FGGY: variants seen among roughly 807,000 people sequenced by gnomAD.
FGGY encodes the protein FGGY carbohydrate kinase domain-containing protein.
FGGY carries 72 observed loss-of-function variants against 71.3 expected under a neutral mutation model. That is an observed-to-expected ratio of 1.01 (90% CI 0.84 to 1.23). The LOEUF (loss-of-function observed/expected upper bound fraction) is 1.23. Among genes scored for constraint, FGGY ranks in the 50% most tolerant of loss-of-function variants. FGGY has a pLI of 0.00. For missense variants in FGGY, 668 were observed against 682.3 expected (o/e 0.98, Z 0.23); for synonymous variants, 251 against 250.3 (o/e 1.00, Z -0.02).
intron 6 of FGGY, among the ~76,000 whole-genome samples, chr1:59,472,901 C>G (rs1190851266): frequency 6.6e-6 from 1 of 152,094 alleles, no homozygotes; most frequent in Non-Finnish European, 1.5e-5. Flanking sequence ...ATGCACCAAT[C>G]AACACTCTGT....
At chr1:59,668,228 G>C (rs1348667837) in intron 13 of FGGY, among the ~76,000 whole-genome samples, 1 of 152,126 alleles carries the variant, frequency 6.6e-6, no homozygotes, top group Non-Finnish European at 1.5e-5. Flanking sequence ...AGAGTGGCCT[G>C]GACCTCTGTC....
At chr1:59,306,745 G>A (rs2043494607) in intron 1 of FGGY, among the ~76,000 whole-genome samples, 3 of 152,192 alleles carry the variant, frequency 2.0e-5, no homozygotes, top group African/African-American at 7.2e-5. Flanking sequence ...GGTAGAGAAT[G>A]GATATGTAGT....
intron 9 of FGGY, among the ~76,000 whole-genome samples, chr1:59,621,174 C>T (rs1378782138): frequency 1.3e-5 from 2 of 151,830 alleles, no homozygotes; most frequent in East Asian, 1.9e-4. Context: ...AGATTAAGGC[C>T]CCACTGTCAT....
chr1:59,597,110 A>G lies in FGGY; in HGVS notation c.904-10693A>G, dbSNP rs1342186545. Among the ~76,000 whole-genome samples, 4 of 152,148 alleles carry G rather than the reference A, an allele frequency of 2.6e-5. No homozygotes were observed. The South Asian group carries it at 6.2e-4, about 24-fold the overall frequency. On this transcript the variant is annotated intron_variant, in intron 8 of 15. Transcript: ENST00000303721. ...ATTCAGTTTAGTCTTCTCATTTTCT[A>G]TCTGGCCAGAAATGGAGAAAGTGTT...
chr1:59,606,721 CTT>C (rs1337082546), intron 8 of FGGY, among the ~76,000 whole-genome samples: 1 of 152,174 alleles, frequency 6.6e-6, no homozygotes, highest in Non-Finnish European at 1.5e-5. Context: ...ATCAGAATGA[CTT>C]AAGTTTTACC....
chr1:59,603,986 A>G (rs922293193), intron 8 of FGGY, among the ~76,000 whole-genome samples: 31 of 152,354 alleles, frequency 2.0e-4, no homozygotes, highest in Middle Eastern at 6.8e-3. Context: ...CTCAGTCTAC[A>G]TATCTGTACA....
intron 3 of FGGY, 119 bp from the exon 4 acceptor site, chr1:59,346,128 T>C: frequency 7.5e-7 from 1 of 1,326,408 alleles, no homozygotes; most frequent in Non-Finnish European, 1.0e-6. Flanking sequence ...TTGCACACTC[T>C]TGATACATAA....
intron 3 of FGGY, among the ~76,000 whole-genome samples, chr1:59,343,742 A>G (rs976381714): frequency 2.0e-5 from 3 of 150,946 alleles, no homozygotes. Context: ...ATCTAAAACG[A>G]AAATTATTAA....
intron 5 of FGGY, among the ~76,000 whole-genome samples, chr1:59,435,928 G>A (rs780214672): frequency 2.0e-5 from 3 of 152,160 alleles, no homozygotes; most frequent in East Asian, 1.9e-4. Context: ...CTGAGTGAGC[G>A]AGCACATGGG....
chr1:59,706,507 C>A (rs1265846033), intron 14 of FGGY, among the ~76,000 whole-genome samples: 1 of 152,140 alleles, frequency 6.6e-6, no homozygotes, highest in Non-Finnish European at 1.5e-5. Flanking sequence ...CATTTCACAG[C>A]CAATTGACTT....
At chr1:59,449,942 C>G (rs1435677542) in intron 5 of FGGY, among the ~76,000 whole-genome samples, 1 of 152,200 alleles carries the variant, frequency 6.6e-6, no homozygotes, top group Non-Finnish European at 1.5e-5. Flanking sequence ...TGCACTCCAG[C>G]CTGTGTAACA....
intron 5 of FGGY, among the ~76,000 whole-genome samples, chr1:59,409,167 T>C (rs1050763255): frequency 3.9e-5 from 6 of 152,122 alleles, no homozygotes; most frequent in Non-Finnish European, 7.4e-5. Flanking sequence ...GAATTATGAT[T>C]TTTTTCTTGG....
intron 12 of FGGY, among the ~76,000 whole-genome samples, chr1:59,663,426 G>T (rs1001039554): frequency 3.3e-5 from 5 of 152,164 alleles, no homozygotes; most frequent in African/African-American, 1.2e-4. Context: ...GGCCAGGATT[G>T]TCTCACAGAG....
At chr1:59,537,579 C>T (rs1426707707) in intron 7 of FGGY, among the ~76,000 whole-genome samples, 2 of 152,170 alleles carry the variant, frequency 1.3e-5, no homozygotes, top group Non-Finnish European at 2.9e-5. Flanking sequence ...AGGCATCACG[C>T]TACCTGACTT....
chr1:59,728,790 C>T (rs1461921617), intron 14 of FGGY, among the ~76,000 whole-genome samples: 3 of 151,940 alleles, frequency 2.0e-5, no homozygotes, highest in Non-Finnish European at 4.4e-5. Context: ...GGATTTCTTG[C>T]CCCCTTTGGC....
chr1:59,699,242 T>A (rs1377598074), intron 14 of FGGY: 1 of 985,178 alleles, frequency 1.0e-6, no homozygotes, highest in African/African-American at 1.7e-5. Flanking sequence ...AAAAATGATA[T>A]TTTTCTTCTT....
intron 6 of FGGY, among the ~76,000 whole-genome samples, chr1:59,482,982 C>T (rs2093544267): frequency 6.6e-6 from 1 of 152,088 alleles, no homozygotes; most frequent in Non-Finnish European, 1.5e-5. Context: ...GATTCCTGGG[C>T]CTGCTTAGAG....
At chr1:59,476,263 G>T (rs2093261256) in intron 6 of FGGY, among the ~76,000 whole-genome samples, 1 of 152,180 alleles carries the variant, frequency 6.6e-6, no homozygotes, top group Non-Finnish European at 1.5e-5. Flanking sequence ...TAACACTCAT[G>T]ACTATCCAAA....
chr1:59,483,209 C>T (rs1156391955), intron 6 of FGGY, among the ~76,000 whole-genome samples: 1 of 152,082 alleles, frequency 6.6e-6, no homozygotes, highest in Non-Finnish European at 1.5e-5. Context: ...ACTACTTTTG[C>T]CAAGTTTGTT....
Sources: gnomAD v4.1 joint callset for allele counts (sites outside exome capture counted in the v4.1 genomes callset) on GRCh38, gnomAD v4.1.1 for gene constraint, MANE v1.5 for transcripts, NCBI Gene and HGNC (gene_info 2026-07-23, HGNC 2026-07-21) for gene names.